CSMD3: variants seen among roughly 807,000 people sequenced by gnomAD.
CSMD3 encodes the protein CUB and Sushi multiple domains 3.
CSMD3 carries 177 observed loss-of-function variants against 435.2 expected under a neutral mutation model. That is an observed-to-expected ratio of 0.41 (90% CI 0.36 to 0.46). CSMD3 has a LOEUF of 0.46. Among genes scored for constraint, CSMD3 ranks in the 20% least tolerant of loss-of-function variants. The probability of loss-of-function intolerance (pLI) is 0.34; values close to 1 mark genes in which losing one functional copy is unlikely to be tolerated. For missense variants in CSMD3, 4,265 were observed against 4,504.6 expected (o/e 0.95, Z 1.52); for synonymous variants, 1,656 against 1,520.5 (o/e 1.09, Z -2.07).
chr8:112,633,920 A>G (rs1193755298), intron 22 of CSMD3, among the ~76,000 whole-genome samples: 1 of 152,040 alleles, frequency 6.6e-6, no homozygotes, highest in Non-Finnish European at 1.5e-5. Context: ...TGTATCCATC[A>G]TTTGTACCCT....
intron 16 of CSMD3, among the ~76,000 whole-genome samples, chr8:112,674,689 T>A (rs557471964): frequency 2.6e-5 from 4 of 152,272 alleles, no homozygotes; most frequent in African/African-American, 9.6e-5. Context: ...TTCACCAATT[T>A]CTTTTCTTTT....
intron 3 of CSMD3, among the ~76,000 whole-genome samples, chr8:113,268,661 A>G: frequency 6.6e-6 from 1 of 152,096 alleles, no homozygotes; most frequent in East Asian, 1.9e-4. Context: ...GTTTTAAAGT[A>G]AATGGGCTAA....
chr8:113,184,072 G>A (rs1462899858), intron 3 of CSMD3, among the ~76,000 whole-genome samples: 2 of 151,986 alleles, frequency 1.3e-5, no homozygotes, highest in African/African-American at 4.8e-5. Context: ...TTCCAGTGGA[G>A]TTTTCACTAG....
intron 3 of CSMD3, among the ~76,000 whole-genome samples, chr8:113,255,413 TC>T (rs2093371439): frequency 6.6e-6 from 1 of 152,100 alleles, no homozygotes; most frequent in Non-Finnish European, 1.5e-5. Flanking sequence ...TGATGATATT[TC>T]TATAAGCACA....
intron 4 of CSMD3, among the ~76,000 whole-genome samples, chr8:113,141,590 T>C (rs1337509170): frequency 6.6e-6 from 1 of 150,960 alleles, no homozygotes; most frequent in Non-Finnish European, 1.5e-5. Context: ...TTTATACCTA[T>C]AATAATATCA....
chr8:112,343,007 A>ATATATATT (rs1825313531), intron 41 of CSMD3, among the ~76,000 whole-genome samples: 1 of 94,734 alleles, frequency 1.1e-5, no homozygotes, highest in Admixed American at 1.0e-4. Context: ...ATATTTATAT[A>ATATATATT]TATATATATT....
chr8:112,639,651 A>G (rs968693886), intron 20 of CSMD3, among the ~76,000 whole-genome samples: 1 of 152,036 alleles, frequency 6.6e-6, no homozygotes, highest in African/African-American at 2.4e-5. Flanking sequence ...CTTTGTATAT[A>G]TATTTTGTAG....
intron 22 of CSMD3, among the ~76,000 whole-genome samples, chr8:112,603,276 T>C (rs1679660469): frequency 6.6e-6 from 1 of 152,236 alleles, no homozygotes; most frequent in Non-Finnish European, 1.5e-5. Context: ...CATTATTCAG[T>C]TTATTGTATT....
At chr8:113,248,427 T>C (rs1428236889) in intron 3 of CSMD3, among the ~76,000 whole-genome samples, 1 of 131,164 alleles carries the variant, frequency 7.6e-6, no homozygotes, top group East Asian at 2.2e-4. Context: ...ATATATAATA[T>C]ACATTTGGAG....
intron 11 of CSMD3, among the ~76,000 whole-genome samples, chr8:112,852,448 T>C (rs1410436610): frequency 2.6e-5 from 4 of 152,158 alleles, no homozygotes; most frequent in African/African-American, 9.7e-5. Context: ...GCTTCTCTCA[T>C]TTGATCTTTT....
chr8:112,498,154 G>T (rs1055289066), intron 30 of CSMD3, among the ~76,000 whole-genome samples: 1 of 151,788 alleles, frequency 6.6e-6, no homozygotes, highest in Non-Finnish European at 1.5e-5. Context: ...TTAACAATTC[G>T]ATTTTCAATT....
chr8:113,139,478 T>A (rs1391464069), intron 4 of CSMD3, among the ~76,000 whole-genome samples: 1 of 150,884 alleles, frequency 6.6e-6, no homozygotes, highest in Non-Finnish European at 1.5e-5. Flanking sequence ...CCATTTTACA[T>A]GTATTTATAT....
At chr8:112,330,669 A>G (rs1823956321) in intron 45 of CSMD3, among the ~76,000 whole-genome samples, 1 of 151,956 alleles carries the variant, frequency 6.6e-6, no homozygotes, top group Non-Finnish European at 1.5e-5. Context: ...AAATGAAGCA[A>G]TAAGAAGCTT....
At chr8:112,393,803 TC>T (rs1830641827) in intron 35 of CSMD3, among the ~76,000 whole-genome samples, 1 of 152,180 alleles carries the variant, frequency 6.6e-6, no homozygotes, top group Non-Finnish European at 1.5e-5. Flanking sequence ...TGTTGATCAC[TC>T]CATCTGTCTT....
At chr8:112,319,181 T>G (rs1274145245) in intron 46 of CSMD3, among the ~76,000 whole-genome samples, 1 of 152,038 alleles carries the variant, frequency 6.6e-6, no homozygotes, top group Non-Finnish European at 1.5e-5. Context: ...TCTGTACTGG[T>G]GCATGCTGGC....
intron 5 of CSMD3, among the ~76,000 whole-genome samples, chr8:113,027,916 G>C (rs940798086): frequency 1.3e-4 from 20 of 152,036 alleles, no homozygotes; most frequent in African/African-American, 4.8e-4. Flanking sequence ...GATATAATAT[G>C]TATAGATTCA....
intron 3 of CSMD3, among the ~76,000 whole-genome samples, chr8:113,198,383 C>T (rs973873451): frequency 2.6e-5 from 4 of 151,154 alleles, no homozygotes; most frequent in African/African-American, 9.7e-5. Flanking sequence ...GGAGTTGAGA[C>T]CAAAATTGAT....
chr8:112,605,041 A>G (rs1389100697), intron 22 of CSMD3, among the ~76,000 whole-genome samples: 1 of 152,200 alleles, frequency 6.6e-6, no homozygotes, highest in Non-Finnish European at 1.5e-5. Context: ...GTTCAACTTC[A>G]TGACTCATTA....
chr8:112,378,660 G>C (rs1829183547), intron 38 of CSMD3, among the ~76,000 whole-genome samples: 1 of 152,172 alleles, frequency 6.6e-6, no homozygotes, highest in Non-Finnish European at 1.5e-5. Flanking sequence ...GGCTGACTTG[G>C]AAGGCAGGGA....
Sources: gnomAD v4.1 joint callset for allele counts (sites outside exome capture counted in the v4.1 genomes callset) on GRCh38, gnomAD v4.1.1 for gene constraint, MANE v1.5 for transcripts, NCBI Gene and HGNC (gene_info 2026-07-23, HGNC 2026-07-21) for gene names.